TLE3: variants seen among roughly 807,000 people sequenced by gnomAD.
TLE3 encodes transducin-like enhancer protein 3.
A neutral mutation model predicts 93.0 loss-of-function variants in TLE3; 14 were observed. The ratio of observed to expected loss-of-function variants is 0.15; its 90% confidence interval spans 0.10 to 0.24. TLE3 has a LOEUF of 0.24. TLE3 is among the 10% of genes least tolerant of loss of function. The pLI is 1.00. For missense variants in TLE3, 693 were observed against 1,046.6 expected, an observed-to-expected ratio of 0.66 and a Z score of 4.66; for synonymous variants, 451 against 425.0, an observed-to-expected ratio of 1.06 and a Z score of -0.75.
At chr15:70,074,660 G>T in intron 5 of TLE3, 53 bp from the exon 6 acceptor site, 1 of 1,500,270 alleles carries the variant, frequency 6.7e-7, no homozygotes, top group South Asian at 1.2e-5. Flanking sequence ...GACAGAGGAG[G>T]TCACAGGCTG....
chr15:70,053,632 G>T, intron 16 of TLE3: 1 of 341,762 alleles, frequency 2.9e-6, no homozygotes, highest in Non-Finnish European at 5.4e-6. Context: ...AAGGGACCTT[G>T]CACTAGCCTT....
chr15:70,078,932 T>G (rs140136245), intron 4 of TLE3, among the ~76,000 whole-genome samples: 3 of 151,748 alleles, frequency 2.0e-5, no homozygotes, highest in South Asian at 2.1e-4. Context: ...GTCTCGGGAG[T>G]TGACAAAAAA....
Position 70,096,676 on chromosome 15 carries a change from C to T in TLE3, c.24+99G>A, listed in dbSNP as rs775107528. 8.0e-5 allele frequency: 125 copies of T among 1,562,522 alleles called. No homozygotes were observed. In the East Asian group the frequency reaches 2.6e-3, roughly 33 times the overall value. ...GAGAGCACACACACAAACACACACACCATAAAGGTAGCAACAAGCAAAATG... is the reference window on the plus strand; with the variant it reads ...GAGAGCACACACACAAACACACACATCATAAAGGTAGCAACAAGCAAAATG... On this transcript the variant is annotated intron_variant, in intron 1 of 19. Transcript: ENST00000451782.
At chr15:70,096,381 C>A in intron 1 of TLE3, 120 bp from the exon 2 acceptor site, 1 of 1,472,528 alleles carries the variant, frequency 6.8e-7, no homozygotes, top group South Asian at 1.3e-5. Context: ...CCAGAACCTT[C>A]CCAGCAAGTT....
Position 70,096,860 on chromosome 15 carries a change from CGGGGGAG to C in TLE3, c.-69_-63del. 6.7e-7 allele frequency: 1 copy of C among 1,498,704 alleles called. No homozygotes were observed. Among genetic ancestry groups the C allele is most frequent in the Non-Finnish European group, 9.1e-7 (1 of 1,093,592 alleles). The allele number at this position is 1,498,704 out of a possible 1,614,324, so 92.8% of individuals were successfully genotyped here. The stretch of plus-strand genomic sequence containing the variant: ...GCCGAGAGCCCGGGCCGGGGAGGTG[CGGGGGAG>C]GGGGGAGCCGAGCCCGAGCGGGGGG... On this transcript the variant is annotated 5_prime_UTR_variant, in exon 1 of 20. Coordinates refer to ENST00000451782, the MANE Select transcript of TLE3 (RefSeq NM_001105192.3).
At chr15:70,091,451 C>G (rs1393411340) in intron 4 of TLE3, among the ~76,000 whole-genome samples, 1 of 152,204 alleles carries the variant, frequency 6.6e-6, no homozygotes, top group African/African-American at 2.4e-5. Context: ...AAGTGATGAG[C>G]CGGTCAGTCA....
At chr15:70,094,396 G>A in intron 4 of TLE3, 136 bp downstream of exon 4, 1 of 689,956 alleles carries the variant, frequency 1.4e-6, no homozygotes, top group Non-Finnish European at 2.5e-6. Flanking sequence ...TCAAGGACTG[G>A]ATCCATTCAC....
At position 70,050,375 on chromosome 15, in the gene TLE3, TGG is replaced by T. The variant is rs3215108; in HGVS notation, c.2203-173_2203-172del. ...GGAGCACAGTGCGGTGAAGAGGAGG[TGG>T]GGGAGGCTTTAAAGCACCCATGAAG... On this transcript the variant is annotated intron_variant, in intron 19 of 19. Transcript: ENST00000451782. The T allele has an allele frequency of 7.2e-6, 4 of 553,622 alleles. No homozygotes were observed. In the East Asian group the frequency reaches 1.2e-4, roughly 17 times the overall value. 34.3% of individuals were successfully genotyped at this position (553,622 alleles called of 1,614,324 possible).
At chr15:70,088,743 G>A (rs946836561) in intron 4 of TLE3, among the ~76,000 whole-genome samples, 3 of 152,208 alleles carry the variant, frequency 2.0e-5, no homozygotes, top group East Asian at 1.9e-4. Flanking sequence ...GGGAGGGGGC[G>A]GGTCATAACC....
intron 6 of TLE3, 64 bp from the exon 7 acceptor site, chr15:70,066,282 AGGAG>A (rs1319631889): frequency 7.0e-5 from 94 of 1,339,346 alleles, no homozygotes; most frequent in Middle Eastern, 2.4e-4. Context: ...TGGCCACCTC[AGGAG>A]GGAGGGAGGG....
chr15:70,066,770 A>G (rs1043549091), intron 6 of TLE3: 1 of 173,266 alleles, frequency 5.8e-6, no homozygotes, highest in Non-Finnish European at 1.3e-5. Flanking sequence ...GCTGGGGGCC[A>G]GTGGAATGAG....
intron 8 of TLE3, among the ~76,000 whole-genome samples, chr15:70,062,602 G>A (rs1389355562): frequency 6.6e-6 from 1 of 152,184 alleles, no homozygotes; most frequent in Non-Finnish European, 1.5e-5. Context: ...AAGGAAATAT[G>A]AATGAAGCTA....
chr15:70,096,567 G>T, intron 1 of TLE3: 2 of 1,485,888 alleles, frequency 1.3e-6, no homozygotes, highest in Non-Finnish European at 9.1e-7. Flanking sequence ...AGCTCCCCCT[G>T]GAACACAAGC....
rs1042561021 is a variant in TLE3 at position 70,096,547 on chromosome 15, C to T, written c.24+228G>A. ...GGAGACTTCAGAGCGGGGCCGGGGA[C>T]CGCGTGAACAGCTCCCCCTGGAACA... is the stretch of plus-strand genomic sequence containing the variant. On this transcript the variant is annotated intron_variant, in intron 1 of 19. Transcript: ENST00000451782. 4.3e-6 allele frequency: 6 copies of T among 1,393,132 alleles called. No homozygotes were observed. In the African/African-American group the frequency reaches 7.2e-5, roughly 17 times the overall value. The allele number at this position is 1,393,132 out of a possible 1,614,324, so 86.3% of individuals were successfully genotyped here.
intron 8 of TLE3, 52 bp downstream of exon 8, chr15:70,064,402 C>A (rs1382764101): frequency 4.3e-6 from 7 of 1,610,302 alleles, no homozygotes; most frequent in South Asian, 1.1e-5. Flanking sequence ...CCGAGTCCCA[C>A]CTCCTCCCAG....
At chr15:70,095,434 G>A in intron 3 of TLE3, 144 bp downstream of exon 3, 1 of 1,523,930 alleles carries the variant, frequency 6.6e-7, no homozygotes, top group Non-Finnish European at 8.8e-7. Flanking sequence ...GAAGGGGAGG[G>A]CAAGACCAGA....
Position 70,082,065 on chromosome 15 carries a change from G to C in TLE3, c.235-5907C>G, listed in dbSNP as rs112355295. On this transcript the variant is annotated intron_variant, in intron 4 of 19. Transcript: ENST00000451782. ...GGGAAAGGCTGGGGTGGGAGGCTGTGCAGAAAGAGGTGGCCCTGGCCCCAA... is the reference window on the plus strand; with the variant it reads ...GGGAAAGGCTGGGGTGGGAGGCTGTCCAGAAAGAGGTGGCCCTGGCCCCAA... Among the ~76,000 whole-genome samples, 1,360 of 152,314 alleles carry C rather than the reference G, an allele frequency of 8.9e-3. 8 individuals are homozygous for C. Among genetic ancestry groups the C allele is most frequent in the Non-Finnish European group, 0.015 (1,007 of 68,024 alleles).
In TLE3 at chr15:70,055,427, C is replaced by G. The variant is rs376968199; in HGVS notation, c.1329-129G>C. On this transcript the variant is annotated intron_variant, in intron 14 of 19. Coordinates refer to ENST00000451782, the MANE Select transcript of TLE3 (RefSeq NM_001105192.3). ...CCTCTAGCCCCCTCTGCTCTGAAAC[C>G]ATTCGAACCCAGTAACCCCATGTAC... 58 of 1,352,650 alleles carry G rather than the reference C, an allele frequency of 4.3e-5. No homozygotes were observed. In the African/African-American group the frequency reaches 5.8e-4, roughly 14 times the overall value. The allele number at this position is 1,352,650 out of a possible 1,614,324, so 83.8% of individuals were successfully genotyped here. A position where few individuals can be genotyped will look rare whatever the true frequency, so the allele number is the denominator to read the frequency against.
chr15:70,054,638 G>T lies in TLE3; in HGVS notation c.1626C>A (p.Arg542=). Residue 542 remains arginine, a synonymous_variant, in exon 16 of 20, where the codon CGC becomes CGA. Transcript: ENST00000451782. Reference sequence around the variant, plus strand: ...TGGCCTCGCCGCCCACGATGAGCGTGCGCCCATCAGGGAGCAGCTTGCAGG... The same window carrying T: ...TGGCCTCGCCGCCCACGATGAGCGTTCGCCCATCAGGGAGCAGCTTGCAGG... ...IRSCKLLPDG[R]TLIVGGEAST... is the part of the protein sequence containing the mutation. 1.2e-6 allele frequency: 2 copies of T among 1,609,134 alleles called. No homozygotes were observed. Among genetic ancestry groups the T allele is most frequent in the Non-Finnish European group, 8.5e-7 (1 of 1,176,624 alleles).
Sources: allele counts gnomAD v4.1 joint callset (sites outside exome capture counted in the v4.1 genomes callset), GRCh38; gene constraint gnomAD v4.1.1; transcripts MANE v1.5; gene names NCBI Gene and HGNC (gene_info 2026-07-23, HGNC 2026-07-21).